Variants in RASAL2 observed in about 807,000 individuals in gnomAD.
The protein encoded by RASAL2 is RAS protein activator like 2.
Under a neutral mutation model 128.9 loss-of-function variants are expected in RASAL2, and 58 were observed. The ratio of observed to expected loss-of-function variants is 0.45; its 90% CI spans 0.36 to 0.56. The LOEUF (loss-of-function observed/expected upper bound fraction) is 0.56. Ranked by LOEUF, RASAL2 falls within the 20% of genes least tolerant of loss-of-function variation. The pLI is 0.00. For missense variants in RASAL2, 1,360 were observed against 1,601.6 expected, an observed-to-expected ratio of 0.85 and a Z score of 2.57; for synonymous variants, 561 against 580.8, an observed-to-expected ratio of 0.97 and a Z score of 0.49.
chr1:178,101,598 CG>C (rs138694847), intron 1 of RASAL2, among the ~76,000 whole-genome samples: 29 of 152,232 alleles, frequency 1.9e-4, no homozygotes, highest in Non-Finnish European at 3.4e-4. Flanking sequence ...TAACAAAATT[CG>C]GAAGAGTAGT....
intron 5 of RASAL2, among the ~76,000 whole-genome samples, chr1:178,424,167 G>C (rs771041004): frequency 1.3e-5 from 2 of 151,802 alleles, no homozygotes; most frequent in Non-Finnish European, 2.9e-5. Flanking sequence ...GAGCGATCCA[G>C]AGGATAATGA....
intron 1 of RASAL2, among the ~76,000 whole-genome samples, chr1:178,244,896 G>A (rs1290436242): frequency 6.6e-6 from 1 of 152,166 alleles, no homozygotes; most frequent in Non-Finnish European, 1.5e-5. Context: ...TCCCTCCAAA[G>A]GACATGAACT....
At chr1:178,149,719 C>G (rs2101875651) in intron 1 of RASAL2, among the ~76,000 whole-genome samples, 1 of 152,188 alleles carries the variant, frequency 6.6e-6, no homozygotes, top group East Asian at 1.9e-4. Flanking sequence ...ATCTTTCCTT[C>G]TACCGCCTTT....
At chr1:178,163,701 G>T (rs774452025) in intron 1 of RASAL2, among the ~76,000 whole-genome samples, 2 of 152,118 alleles carry the variant, frequency 1.3e-5, no homozygotes, top group African/African-American at 2.4e-5. Flanking sequence ...TAAGTTTTGA[G>T]ATTGGGAAAA....
chr1:178,149,344 A>G (rs915812183), intron 1 of RASAL2, among the ~76,000 whole-genome samples: 2 of 152,212 alleles, frequency 1.3e-5, no homozygotes, highest in Non-Finnish European at 2.9e-5. Context: ...TAAGTAAAAC[A>G]TAACAAAGGT....
rs150576718 is a variant in RASAL2, at chr1:178,467,352, G to A, written c.3609G>A (p.Glu1203=). 60 of 1,613,962 alleles carry A rather than the reference G, an allele frequency of 3.7e-5. No homozygotes were observed. In the African/African-American group the frequency reaches 7.9e-4, roughly 21 times the overall value. ...ATTCTAGGCTAATGGCTGTGGAAGA[G>A]GAACTGAAGAAGGATCATGCTGAGA... ...SIISRLMAVE[E]ELKKDHAEMQ... Residue 1203 remains glutamate, a synonymous_variant, in exon 17 of 18, where the codon GAG becomes GAA. Transcript: ENST00000367649.
chr1:178,143,246 A>G (rs1660600038), intron 1 of RASAL2, among the ~76,000 whole-genome samples: 2 of 151,892 alleles, frequency 1.3e-5, no homozygotes, highest in South Asian at 2.1e-4. Context: ...ATATTTATCT[A>G]TAATATCATA....
Position 178,473,571 on chromosome 1 carries a change from G to A in RASAL2, c.*332G>A. The stretch of plus-strand genomic sequence containing the variant: ...TATTATTGTTTTCCTCTTGTTGAAA[G>A]CACTGCAGTTGTTACAGGAAGTAAA... On this transcript the variant is annotated 3_prime_UTR_variant, in exon 18 of 18. Transcript: ENST00000367649. 1 of 305,168 alleles carries A rather than the reference G, an allele frequency of 3.3e-6. No individual in the cohort carries two copies. Among genetic ancestry groups the A allele is most frequent in the South Asian group, 3.8e-5 (1 of 26,442 alleles). The allele number at this position is 305,168 out of a possible 1,614,324, so 18.9% of individuals were successfully genotyped here.
At chr1:178,290,128 A>G (rs1017404260) in intron 2 of RASAL2, among the ~76,000 whole-genome samples, 1 of 152,148 alleles carries the variant, frequency 6.6e-6, no homozygotes, top group Non-Finnish European at 1.5e-5. Flanking sequence ...ACTGTCTCTC[A>G]TCTCCTACTG....
intron 1 of RASAL2, among the ~76,000 whole-genome samples, chr1:178,159,529 AT>A (rs1661197095): frequency 6.6e-6 from 1 of 152,200 alleles, no homozygotes; most frequent in Non-Finnish European, 1.5e-5. Flanking sequence ...AAACAAACTG[AT>A]TTATACATCC....
Position 178,476,109 on chromosome 1 carries a change from T to G in RASAL2, c.*2870T>G, listed in dbSNP as rs1648654004. ...CATGGCTGAAGAGAGGCAAATAGAT[T>G]AAGATAGCAATGTCTTGCACTTCCT... On this transcript the variant is annotated 3_prime_UTR_variant, in exon 18 of 18. Coordinates refer to ENST00000367649, the MANE Select transcript of RASAL2 (RefSeq NM_170692.4). 1 of 152,218 alleles carries G rather than the reference T, an allele frequency of 6.6e-6. No individual in the cohort carries two copies. The highest frequency in any genetic ancestry group is 1.5e-5 in the Non-Finnish European group (1 of 68,036). 9.4% of individuals were successfully genotyped at this position (152,218 alleles called of 1,614,324 possible).
chr1:178,141,122 C>T (rs1206327825), intron 1 of RASAL2, among the ~76,000 whole-genome samples: 1 of 152,020 alleles, frequency 6.6e-6, no homozygotes, highest in African/African-American at 2.4e-5. Context: ...TCATGAGGAT[C>T]CACCCCTGTG....
chr1:178,221,391 T>C (rs944925349), intron 1 of RASAL2, among the ~76,000 whole-genome samples: 3 of 152,200 alleles, frequency 2.0e-5, no homozygotes, highest in Non-Finnish European at 2.9e-5. Context: ...TTTTAAGATA[T>C]GCATTTCAAT....
chr1:178,327,173 G>C (rs1669079268), intron 3 of RASAL2, among the ~76,000 whole-genome samples: 1 of 151,888 alleles, frequency 6.6e-6, no homozygotes, highest in Non-Finnish European at 1.5e-5. Context: ...TGCTCCCATG[G>C]AGGTCCTCTT....
At chr1:178,245,001 A>T (rs1664705437) in intron 1 of RASAL2, among the ~76,000 whole-genome samples, 1 of 152,116 alleles carries the variant, frequency 6.6e-6, no homozygotes, top group African/African-American at 2.4e-5. Context: ...GTTGGTTCCA[A>T]GTTTTTGCTA....
chr1:178,214,793 C>T (rs1365868006), intron 1 of RASAL2, among the ~76,000 whole-genome samples: 2 of 152,044 alleles, frequency 1.3e-5, no homozygotes, highest in African/African-American at 2.4e-5. Flanking sequence ...CTCTTGACCT[C>T]GTGATCTGCC....
chr1:178,168,884 T>G (rs1242703512), intron 1 of RASAL2, among the ~76,000 whole-genome samples: 1 of 152,146 alleles, frequency 6.6e-6, no homozygotes, highest in Non-Finnish European at 1.5e-5. Context: ...AATATGTTTT[T>G]GAACATATTT....
At chr1:178,351,811 T>C (rs1235737297) in intron 3 of RASAL2, among the ~76,000 whole-genome samples, 1 of 151,440 alleles carries the variant, frequency 6.6e-6, no homozygotes, top group Non-Finnish European at 1.5e-5. Context: ...AGAAAGCGGC[T>C]ACAGGCCCCA....
At chr1:178,096,737 CT>C (rs967328415) in intron 1 of RASAL2, among the ~76,000 whole-genome samples, 26 of 151,842 alleles carry the variant, frequency 1.7e-4, no homozygotes, top group African/African-American at 6.0e-4. Flanking sequence ...TGCATTGTAA[CT>C]TTTTTTGTTT....
Sources: allele counts gnomAD v4.1 joint callset (sites outside exome capture counted in the v4.1 genomes callset), GRCh38; gene constraint gnomAD v4.1.1; transcripts MANE v1.5; gene names NCBI Gene and HGNC (gene_info 2026-07-23, HGNC 2026-07-21).